PSMA1: variants seen among roughly 807,000 people sequenced by gnomAD.
PSMA1 encodes the protein proteasome subunit alpha type-1.
A neutral mutation model predicts 38.4 loss-of-function variants in PSMA1; 3 were observed. The observed-to-expected ratio is 0.08, with a 90% CI of 0.04 to 0.20. The LOEUF (loss-of-function observed/expected upper bound fraction) is 0.20, where lower values mean the gene tolerates loss of function less well. Ranked by LOEUF, PSMA1 falls within the 10% of genes least tolerant of loss-of-function variation. The pLI, the probability that PSMA1 is intolerant of heterozygous loss-of-function variation, is 1.00. For missense variants in PSMA1, 227 were observed against 325.3 expected (o/e 0.70, Z 2.32); for synonymous variants, 101 against 107.1 (o/e 0.94, Z 0.35).
intron 1 of PSMA1, among the ~76,000 whole-genome samples, chr11:14,638,575 ATATATATATATTTTTTTTTTTTTT>A (rs1355271211): frequency 9.3e-5 from 1 of 10,798 alleles, no homozygotes; most frequent in African/African-American, 3.6e-4. Flanking sequence ...ATATATATAT[ATATATATATATTTTTTTTTTTTTT>A]TTTTTTTTTT....
intron 2 of PSMA1, among the ~76,000 whole-genome samples, chr11:14,598,267 C>G (rs1852527914): frequency 6.6e-6 from 1 of 152,152 alleles, no homozygotes; most frequent in Non-Finnish European, 1.5e-5. Context: ...ATAAGGTCCG[C>G]TTGGTGCAGA....
At chr11:14,595,579 T>A (rs1852480035) in intron 2 of PSMA1, among the ~76,000 whole-genome samples, 1 of 152,228 alleles carries the variant, frequency 6.6e-6, no homozygotes, top group South Asian at 2.1e-4. Flanking sequence ...TCATATCCTT[T>A]ACCCACTTTT....
chr11:14,573,078 C>T (rs986262693), intron 2 of PSMA1, among the ~76,000 whole-genome samples: 3 of 152,108 alleles, frequency 2.0e-5, no homozygotes, highest in Non-Finnish European at 4.4e-5. Flanking sequence ...CCGAATTCTA[C>T]CAGAGGTACA....
chr11:14,555,150 T>C (rs1851928875), intron 2 of PSMA1, among the ~76,000 whole-genome samples: 2 of 152,238 alleles, frequency 1.3e-5, no homozygotes, highest in Non-Finnish European at 2.9e-5. Flanking sequence ...GAACTGTCTC[T>C]CAGATCGCAG....
At chr11:14,563,253 G>A (rs1297592823) in intron 2 of PSMA1, among the ~76,000 whole-genome samples, 1 of 152,182 alleles carries the variant, frequency 6.6e-6, no homozygotes, top group Admixed American at 6.5e-5. Context: ...TATGAGAAGA[G>A]GTGCTTAGCA....
chr11:14,617,715 G>GTGTGTGTGTGTT (rs1432823446), intron 1 of PSMA1, among the ~76,000 whole-genome samples: 1 of 151,168 alleles, frequency 6.6e-6, no homozygotes, highest in African/African-American at 2.4e-5. Flanking sequence ...GTGTGTGTGT[G>GTGTGTGTGTGTT]TGTGTGTATA....
intron 1 of PSMA1, among the ~76,000 whole-genome samples, chr11:14,629,965 CGTCT>C (rs1169861264): frequency 6.6e-6 from 1 of 150,796 alleles, no homozygotes; most frequent in Non-Finnish European, 1.5e-5. Flanking sequence ...TTTGGCTCTC[CGTCT>C]GTTGTTGGTG....
intron 4 of PSMA1, among the ~76,000 whole-genome samples, chr11:14,516,753 C>T (rs1851436992): frequency 6.6e-6 from 1 of 152,038 alleles, no homozygotes; most frequent in African/African-American, 2.4e-5. Context: ...TGGCGAAACC[C>T]CGTCTCTACT....
chr11:14,518,476 T>C (rs1462843325), intron 2 of PSMA1, among the ~76,000 whole-genome samples: 1 of 152,214 alleles, frequency 6.6e-6, no homozygotes, highest in Non-Finnish European at 1.5e-5. Context: ...ACATATATAG[T>C]AGGGTCACTA....
At chr11:14,582,673 A>G (rs1589999051) in intron 2 of PSMA1, among the ~76,000 whole-genome samples, 1 of 147,664 alleles carries the variant, frequency 6.8e-6, no homozygotes, top group African/African-American at 2.5e-5. Context: ...ACACGCCAAC[A>G]GGCCCAGCTA....
chr11:14,509,955 C>T (rs1029920380), intron 8 of PSMA1, among the ~76,000 whole-genome samples: 5 of 149,478 alleles, frequency 3.3e-5, no homozygotes, highest in African/African-American at 1.2e-4. Context: ...GATCTCCTGA[C>T]CTCGTGATCC....
intron 2 of PSMA1, among the ~76,000 whole-genome samples, chr11:14,537,783 C>T (rs1171528741): frequency 2.6e-5 from 4 of 150,960 alleles, no homozygotes; most frequent in Non-Finnish European, 5.9e-5. Context: ...ATCTCAGCTC[C>T]CTGCAACTTC....
Position 14,510,887 on chromosome 11 carries a change from C to A in PSMA1, c.609G>T (p.Gln203His). Residue 203 changes from glutamine (Q) to histidine (H), a missense_variant, in exon 8 of 10, where the codon CAG becomes CAT. By Grantham distance (24) the Gln-to-His change is conservative. Coordinates refer to ENST00000396394, the MANE Select transcript of PSMA1 (RefSeq NM_002786.4). ...RALRETLPAE[Q>H]DLTTKNVSIG... ...CAATACTTACCTTTGTAGTCAGGTCCTGTTCTGCAGGAAGCGTCTCTCTTA... is the reference window on the plus strand; with the variant it reads ...CAATACTTACCTTTGTAGTCAGGTCATGTTCTGCAGGAAGCGTCTCTCTTA... 2 of 1,606,966 alleles carry A rather than the reference C, an allele frequency of 1.2e-6. No homozygotes were observed. The highest frequency in any genetic ancestry group is 1.7e-6 in the Non-Finnish European group (2 of 1,176,328).
chr11:14,541,607 C>A (rs1851773702), intron 2 of PSMA1, among the ~76,000 whole-genome samples: 1 of 152,252 alleles, frequency 6.6e-6, no homozygotes, highest in Admixed American at 6.5e-5. Flanking sequence ...ACTGCCCACA[C>A]TCTTTTCCCC....
chr11:14,522,269 A>G (rs1228689121), upstream of PSMA1, among the ~76,000 whole-genome samples: 1 of 152,172 alleles, frequency 6.6e-6, no homozygotes, highest in African/African-American at 2.4e-5. Flanking sequence ...AATTTGCTTA[A>G]TTATTAGTGT....
chr11:14,578,130 G>A (rs956593902), intron 2 of PSMA1, among the ~76,000 whole-genome samples: 3 of 152,046 alleles, frequency 2.0e-5, no homozygotes, highest in African/African-American at 7.2e-5. Context: ...TGTAGATCAC[G>A]GGTTGATGGG....
intron 2 of PSMA1, among the ~76,000 whole-genome samples, chr11:14,603,378 T>C (rs1407728367): frequency 1.3e-5 from 2 of 152,228 alleles, no homozygotes; most frequent in Non-Finnish European, 2.9e-5. Flanking sequence ...ACTATCCATA[T>C]GACGAGATGT....
intron 1 of PSMA1, among the ~76,000 whole-genome samples, chr11:14,618,240 C>G (rs1276179093): frequency 6.6e-6 from 1 of 152,140 alleles, no homozygotes; most frequent in African/African-American, 2.4e-5. Context: ...GTGATTGTAT[C>G]TCAATTAACT....
chr11:14,559,852 G>A (rs891106620), intron 2 of PSMA1, among the ~76,000 whole-genome samples: 1 of 152,216 alleles, frequency 6.6e-6, no homozygotes, highest in African/African-American at 2.4e-5. Flanking sequence ...CAGGCAGGGA[G>A]TTTATTGGAG....
Sources: allele counts gnomAD v4.1 joint callset (sites outside exome capture counted in the v4.1 genomes callset), GRCh38; gene constraint gnomAD v4.1.1; transcripts MANE v1.5; gene names NCBI Gene and HGNC (gene_info 2026-07-23, HGNC 2026-07-21).